The following AATF variants were observed in gnomAD, a reference collection of about 807,000 sequenced individuals.
AATF encodes protein AATF.
In AATF, 48 loss-of-function variants were observed where a neutral mutation model predicts 63.7. The ratio of observed to expected loss-of-function variants is 0.75; its 90% CI spans 0.60 to 0.96. The LOEUF (loss-of-function observed/expected upper bound fraction) is 0.96. AATF is among the 40% of genes least tolerant of loss of function. AATF has a pLI of 0.00. For missense variants in AATF, 639 were observed against 685.7 expected, an observed-to-expected ratio of 0.93 and a Z score of 0.76; for synonymous variants, 258 against 247.7, an observed-to-expected ratio of 1.04 and a Z score of -0.39.
At chr17:36,986,154 G>T (rs2071167305) in intron 4 of AATF, among the ~76,000 whole-genome samples, 2 of 152,192 alleles carry the variant, frequency 1.3e-5, no homozygotes, top group Admixed American at 1.3e-4. Flanking sequence ...TGGTGGGGAT[G>T]CCTAGACAAA....
intron 8 of AATF, among the ~76,000 whole-genome samples, chr17:37,014,267 GTAATAATAATAATAATAA>G (rs71368437): frequency 6.9e-6 from 1 of 145,064 alleles, no homozygotes; most frequent in African/African-American, 2.6e-5. Context: ...GACTGTCTTA[GTAATAATAATAATAATAA>G]TAATAATAAT....
In AATF at chr17:36,949,062, C is replaced by T. The variant is rs2070829996; in HGVS notation, c.-64C>T. The T allele has an allele frequency of 7.1e-7, 1 of 1,401,770 alleles. No individual in the cohort carries two copies. Among genetic ancestry groups the T allele is most frequent in the Middle Eastern group, 1.8e-4 (1 of 5,650 alleles). The allele number at this position is 1,401,770 out of a possible 1,614,324, so 86.8% of individuals were successfully genotyped here. A position where few individuals can be genotyped will look rare whatever the true frequency, so the allele number is the denominator to read the frequency against. Reference sequence around the variant, plus strand: ...AGAGGATCCGGCAGGGAAGGAGCTTCGGGGCCGGGGGTTGGGCCGCACATT... The same window carrying T: ...AGAGGATCCGGCAGGGAAGGAGCTTTGGGGCCGGGGGTTGGGCCGCACATT... On this transcript the variant is annotated 5_prime_UTR_variant, in exon 1 of 12. Coordinates refer to ENST00000619387, the MANE Select transcript of AATF (RefSeq NM_012138.4).
At chr17:36,955,837 G>A (rs980906662) in intron 4 of AATF, among the ~76,000 whole-genome samples, 3 of 152,098 alleles carry the variant, frequency 2.0e-5, no homozygotes, top group African/African-American at 4.8e-5. Flanking sequence ...ATCATAGCTC[G>A]TTGCAGCTTC....
At chr17:37,019,566 TA>T (rs1183862140) in intron 9 of AATF, among the ~76,000 whole-genome samples, 9 of 152,156 alleles carry the variant, frequency 5.9e-5, no homozygotes, top group African/African-American at 2.2e-4. Context: ...GGGCAGAATG[TA>T]AAGTAGTGAA....
At chr17:36,962,326 G>C (rs2070954226) in intron 4 of AATF, among the ~76,000 whole-genome samples, 1 of 152,216 alleles carries the variant, frequency 6.6e-6, no homozygotes, top group African/African-American at 2.4e-5. Context: ...AGAGAGTAAA[G>C]CTGGATCACA....
intron 8 of AATF, among the ~76,000 whole-genome samples, chr17:37,010,908 C>T (rs1464288436): frequency 6.6e-6 from 1 of 152,164 alleles, no homozygotes; most frequent in Admixed American, 6.5e-5. Context: ...GACAAGGGCC[C>T]TAGTGGTACC....
At chr17:36,966,212 AT>A (rs1480936569) in intron 4 of AATF, among the ~76,000 whole-genome samples, 2 of 151,804 alleles carry the variant, frequency 1.3e-5, no homozygotes, top group African/African-American at 4.8e-5. Context: ...TGATTTCCAG[AT>A]TTTTTTTAAA....
chr17:37,039,769 GAAA>G (rs1386593535), intron 11 of AATF, among the ~76,000 whole-genome samples: 1 of 151,658 alleles, frequency 6.6e-6, no homozygotes, highest in Non-Finnish European at 1.5e-5. Flanking sequence ...AACTGGGTTG[GAAA>G]AAAAACACTG....
At chr17:37,050,142 C>A (rs2071735208) in intron 11 of AATF, among the ~76,000 whole-genome samples, 1 of 151,986 alleles carries the variant, frequency 6.6e-6, no homozygotes, top group Non-Finnish European at 1.5e-5. Context: ...AGTAGTCAGC[C>A]TTACTTCTCT....
chr17:36,949,898 CAG>C (rs2142196813), intron 1 of AATF, among the ~76,000 whole-genome samples: 1 of 152,306 alleles, frequency 6.6e-6, no homozygotes, highest in Non-Finnish European at 1.5e-5. Flanking sequence ...AAGAATGGGA[CAG>C]AGTGAGGGGA....
intron 11 of AATF, among the ~76,000 whole-genome samples, chr17:37,035,134 AT>A (rs1230383662): frequency 2.0e-5 from 3 of 151,890 alleles, no homozygotes; most frequent in Non-Finnish European, 4.4e-5. Context: ...AAAAAAAAAA[AT>A]CAAAAAAGAA....
At chr17:37,036,884 C>T (rs758221034) in intron 11 of AATF, among the ~76,000 whole-genome samples, 85 of 152,132 alleles carry the variant, frequency 5.6e-4, no homozygotes, top group Non-Finnish European at 1.9e-4. Flanking sequence ...CCAATTTGTC[C>T]GTGTATTATG....
chr17:36,975,366 A>T (rs2071072262), intron 4 of AATF, among the ~76,000 whole-genome samples: 4 of 152,122 alleles, frequency 2.6e-5, no homozygotes, highest in Admixed American at 2.0e-4. Flanking sequence ...AAAAATGAGG[A>T]TGTTTCTTAG....
At chr17:36,962,084 T>C (rs1423169331) in intron 4 of AATF, among the ~76,000 whole-genome samples, 1 of 152,232 alleles carries the variant, frequency 6.6e-6, no homozygotes, top group African/African-American at 2.4e-5. Context: ...CCTACACTCC[T>C]GCCTCCACTA....
In AATF at chr17:36,968,244, T is replaced by TTTC. The variant is rs1255605809; in HGVS notation, c.832+14339_832+14340insCTT. Among the ~76,000 whole-genome samples, 374 of 145,164 alleles carry TTTC rather than the reference T, an allele frequency of 2.6e-3. 77 individuals are homozygous for TTTC. The highest frequency in any genetic ancestry group is 9.0e-3 in the African/African-American group (343 of 38,218). ...TAAAATTTTCTTCTATTTTTTTCTT[T>TTTC]TTTCTTTTTCTTTCTTTCCTTCTTT... On this transcript the variant is annotated intron_variant, in intron 4 of 11. Transcript: ENST00000619387.
At chr17:37,027,796 C>A (rs974087369) in intron 10 of AATF, among the ~76,000 whole-genome samples, 3 of 152,054 alleles carry the variant, frequency 2.0e-5, no homozygotes, top group Non-Finnish European at 4.4e-5. Context: ...TTCAAATGCA[C>A]AGTAACCACG....
At chr17:36,999,056 C>CGTGCCT (rs1304308112) in intron 8 of AATF, 1 of 152,092 alleles carries the variant, frequency 6.6e-6, no homozygotes, top group Non-Finnish European at 1.5e-5. Flanking sequence ...TTACGAGGCA[C>CGTGCCT]TATTTGACAT....
intron 11 of AATF, among the ~76,000 whole-genome samples, chr17:37,032,769 G>A (rs765692792): frequency 3.3e-4 from 50 of 152,020 alleles, no homozygotes; most frequent in Middle Eastern, 3.2e-3. Flanking sequence ...TATACTGAGA[G>A]CATTTTCATG....
intron 8 of AATF, among the ~76,000 whole-genome samples, chr17:37,000,448 T>C (rs2071285653): frequency 6.6e-6 from 1 of 152,194 alleles, no homozygotes; most frequent in Non-Finnish European, 1.5e-5. Context: ...TCCCAACCCC[T>C]GTGGACCTAT....
Sources: gnomAD v4.1 joint callset for allele counts (sites outside exome capture counted in the v4.1 genomes callset) on GRCh38, gnomAD v4.1.1 for gene constraint, MANE v1.5 for transcripts, NCBI Gene and HGNC (gene_info 2026-07-23, HGNC 2026-07-21) for gene names.